The following COL12A1 variants were observed in gnomAD, a reference collection of about 807,000 sequenced individuals.
COL12A1 encodes collagen alpha-1(XII) chain.
Under a neutral mutation model 349.7 loss-of-function variants are expected in COL12A1, and 114 were observed. That is an observed-to-expected ratio of 0.33 (90% CI 0.28 to 0.38). The LOEUF is 0.38. COL12A1 is among the 10% of genes least tolerant of loss of function. COL12A1 has a pLI of 1.00. For synonymous variants in COL12A1, 1,369 were observed against 1,329.0 expected, an observed-to-expected ratio of 1.03 and a Z score of -0.66; for missense variants, 3,284 against 3,756.9, an observed-to-expected ratio of 0.87 and a Z score of 3.29.
intron 53 of COL12A1, 58 bp downstream of exon 53, chr6:75,106,361 G>A: frequency 1.4e-6 from 2 of 1,413,330 alleles, no homozygotes; most frequent in East Asian, 4.6e-5. Context: ...CCAGGCACAA[G>A]GGTTTATTAC....
intron 47 of COL12A1, among the ~76,000 whole-genome samples, chr6:75,116,785 A>C (rs915087984): frequency 3.3e-5 from 5 of 152,124 alleles, no homozygotes; most frequent in African/African-American, 1.2e-4. Context: ...ATTATGTAGG[A>C]TAAATTGCCT....
chr6:75,156,493 T>C lies in COL12A1; in HGVS notation c.3014A>G (p.Asp1005Gly), dbSNP rs766993556. 1 of 1,613,724 alleles carries C rather than the reference T, an allele frequency of 6.2e-7. No individual in the cohort carries two copies. Among genetic ancestry groups the C allele is most frequent in the Non-Finnish European group, 8.5e-7 (1 of 1,179,800 alleles). Residue 1005 changes from aspartate to glycine, a missense_variant, in exon 15 of 66, where the codon GAT becomes GGT. By Grantham distance (94) the Asp-to-Gly change is moderately conservative. Transcript: ENST00000322507. ...TCTCATTGTGTTTTCTGTTTCTTCATCTACTTTCAGGGTTTTGGAATCTTG... is the reference window on the plus strand; with the variant it reads ...TCTCATTGTGTTTTCTGTTTCTTCACCTACTTTCAGGGTTTTGGAATCTTG... ...LSQDSKTLKV[D>G]EETENTMRVT...
chr6:75,122,048 C>T (rs538257761), intron 43 of COL12A1, among the ~76,000 whole-genome samples: 2 of 151,988 alleles, frequency 1.3e-5, no homozygotes, highest in East Asian at 1.9e-4. Context: ...TTAGCAGAGA[C>T]GGGTTTAACC....
chr6:75,117,084 A>C (rs536320231), intron 47 of COL12A1, among the ~76,000 whole-genome samples: 4 of 152,282 alleles, frequency 2.6e-5, no homozygotes, highest in South Asian at 4.1e-4. Context: ...TTCTATATGC[A>C]ATTTGAGGCT....
chr6:75,100,568 A>G (rs1370387636), intron 58 of COL12A1, among the ~76,000 whole-genome samples: 1 of 152,172 alleles, frequency 6.6e-6, no homozygotes, highest in African/African-American at 2.4e-5. Flanking sequence ...ATCCCAGAAA[A>G]TACAGTTTTC....
intron 51 of COL12A1, among the ~76,000 whole-genome samples, 169 bp from the exon 52 acceptor site, chr6:75,109,336 G>T (rs1051794021): frequency 6.6e-6 from 1 of 152,020 alleles, no homozygotes; most frequent in East Asian, 1.9e-4. Context: ...GAAATCATTT[G>T]CTAATAATAT....
At chr6:75,143,129 C>T in intron 26 of COL12A1, 123 bp downstream of exon 26, 2 of 1,124,760 alleles carry the variant, frequency 1.8e-6, no homozygotes, top group Non-Finnish European at 2.5e-6. Context: ...CACAAGTTTT[C>T]AACACTGTGT....
chr6:75,108,993 A>T (rs1768700788), intron 52 of COL12A1, 25 bp downstream of exon 52: 2 of 1,601,086 alleles, frequency 1.2e-6, no homozygotes, highest in Non-Finnish European at 1.7e-6. Context: ...CAAGGTACCA[A>T]GAGAAATAAA....
Position 75,181,055 on chromosome 6 carries a change from C to A in COL12A1, c.2048G>T (p.Ser683Ile). ...CAGGCTGCTGAGAACAACACTGGTG[C>A]TCGATGCTGGCTCCACCACAGTGAC... ...DEVTVVEPASSTSVVLSSLKP... is the reference protein window; with the variant it reads ...DEVTVVEPASITSVVLSSLKP... Residue 683 changes from serine to isoleucine, a missense_variant, in exon 11 of 66, where the codon AGC becomes ATC. Physicochemically the swap from Ser to Ile is moderately radical, Grantham distance 142 (BLOSUM62 -2). Coordinates refer to ENST00000322507, the MANE Select transcript of COL12A1 (RefSeq NM_004370.6). The A allele has an allele frequency of 6.2e-7, 1 of 1,614,026 alleles. No individual in the cohort carries two copies. The highest frequency in any genetic ancestry group is 1.1e-5 in the South Asian group (1 of 91,064).
Position 75,181,116 on chromosome 6 carries a change from G to A in COL12A1, c.1987C>T (p.His663Tyr). The change falls in exon 11 of 66, where the codon CAC (histidine) becomes TAC (tyrosine). Residue 663 changes from histidine (H) to tyrosine (Y), a missense_variant. Transcript: ENST00000322507. ...CCAGCCGCTTCCTTGTAGGTGATGTGATATGAAAAAACATTTTCTCCAGCT... is the reference window on the plus strand; with the variant it reads ...CCAGCCGCTTCCTTGTAGGTGATGTAATATGAAAAAACATTTTCTCCAGCT... ...SPAGENVFSYHITYKEAAGDD... is the reference protein window; with the variant it reads ...SPAGENVFSYYITYKEAAGDD... 1 of 1,613,188 alleles carries A rather than the reference G, an allele frequency of 6.2e-7. No individual in the cohort carries two copies. The highest frequency in any genetic ancestry group is 8.5e-7 in the Non-Finnish European group (1 of 1,179,896).
At position 75,159,663 on chromosome 6, in the gene COL12A1, T is replaced by A. The variant is rs558982587; in HGVS notation, c.2984-3140A>T. 4.6e-5 allele frequency among the ~76,000 whole-genome samples: 7 copies of A among 151,884 alleles called. No individual in the cohort carries two copies. In the East Asian group the frequency reaches 1.4e-3, roughly 29 times the overall value. ...ATACATTTTCTCATCTTTTGTTTCA[T>A]CTCTTAAATTTTTACTCAGTGGAAC... On this transcript the variant is annotated intron_variant, in intron 14 of 65. Coordinates refer to ENST00000322507, the MANE Select transcript of COL12A1 (RefSeq NM_004370.6).
chr6:75,162,682 G>A (rs1346362031), intron 14 of COL12A1, among the ~76,000 whole-genome samples: 1 of 152,202 alleles, frequency 6.6e-6, no homozygotes, highest in East Asian at 1.9e-4. Flanking sequence ...AAACTAAAGA[G>A]CTTCTGCACA....
At chr6:75,160,646 G>C (rs913403539) in intron 14 of COL12A1, among the ~76,000 whole-genome samples, 5 of 152,128 alleles carry the variant, frequency 3.3e-5, no homozygotes, top group African/African-American at 1.2e-4. Flanking sequence ...TTGGTTTCAG[G>C]ATCTCCCATA....
intron 23 of COL12A1, among the ~76,000 whole-genome samples, chr6:75,146,544 A>G (rs904966989): frequency 6.6e-6 from 1 of 152,106 alleles, no homozygotes; most frequent in African/African-American, 2.4e-5. Flanking sequence ...CTGATACGTT[A>G]CTCTCTTTTT....
At chr6:75,174,931 G>T in intron 13 of COL12A1, 107 bp downstream of exon 13, 1 of 1,239,960 alleles carries the variant, frequency 8.1e-7, no homozygotes, top group Non-Finnish European at 1.1e-6. Flanking sequence ...CTTTTTAAGA[G>T]AAAGGATTGC....
Position 75,095,092 on chromosome 6 carries a change from C to A in COL12A1, c.8649+16G>T, listed in dbSNP as rs1470399366. On this transcript the variant is annotated intron_variant, in intron 60 of 65. Coordinates refer to ENST00000322507, the MANE Select transcript of COL12A1 (RefSeq NM_004370.6). Reference sequence around the variant, plus strand: ...GGTGAAACCACTGTCAGTAGACATGCAAGCTGTCCGCTTACTGGTCTGCCA... The same window carrying A: ...GGTGAAACCACTGTCAGTAGACATGAAAGCTGTCCGCTTACTGGTCTGCCA... 6.2e-7 allele frequency: 1 copy of A among 1,612,536 alleles called. No homozygotes were observed. Among genetic ancestry groups the A allele is most frequent in the South Asian group, 1.1e-5 (1 of 90,878 alleles).
chr6:75,138,080 C>A (rs902251939), intron 30 of COL12A1, among the ~76,000 whole-genome samples: 2 of 152,116 alleles, frequency 1.3e-5, no homozygotes, highest in East Asian at 3.9e-4. Context: ...ATATAAATTT[C>A]TGTTATTTAT....
At chr6:75,160,401 C>T (rs892078470) in intron 14 of COL12A1, among the ~76,000 whole-genome samples, 4 of 152,114 alleles carry the variant, frequency 2.6e-5, no homozygotes, top group Non-Finnish European at 5.9e-5. Context: ...CCCAAAATGC[C>T]CTCTTGGAAG....
At chr6:75,110,737 G>A (rs1331338141) in intron 51 of COL12A1, among the ~76,000 whole-genome samples, 4 of 151,950 alleles carry the variant, frequency 2.6e-5, no homozygotes, top group African/African-American at 9.7e-5. Context: ...AACTATTTTA[G>A]TTAATCCCTC....
Sources: gnomAD v4.1 joint callset for allele counts (sites outside exome capture counted in the v4.1 genomes callset) on GRCh38, gnomAD v4.1.1 for gene constraint, MANE v1.5 for transcripts, NCBI Gene and HGNC (gene_info 2026-07-23, HGNC 2026-07-21) for gene names.